Variants in ARHGEF11 observed in about 807,000 individuals in gnomAD.
ARHGEF11 encodes Rho guanine exchange factor (GEF) 11.
ARHGEF11 carries 55 observed loss-of-function variants against 193.7 expected under a neutral mutation model. That is an observed-to-expected ratio of 0.28 (90% CI 0.23 to 0.36). The LOEUF (loss-of-function observed/expected upper bound fraction) is 0.36, where lower values mean the gene tolerates loss of function less well. ARHGEF11 is among the 10% of genes least tolerant of loss of function. The pLI is 1.00. For synonymous variants in ARHGEF11, 693 were observed against 768.0 expected (o/e 0.90, Z 1.62); for missense variants, 1,723 against 2,005.6 (o/e 0.86, Z 2.69).
intron 1 of ARHGEF11, among the ~76,000 whole-genome samples, chr1:157,029,099 C>G (rs933706954): frequency 7.1e-6 from 1 of 140,404 alleles, no homozygotes; most frequent in Non-Finnish European, 1.5e-5. Flanking sequence ...CTGGGGAGGT[C>G]AAGGCAGCAG....
At chr1:156,994,492 G>A (rs1666212534) in intron 1 of ARHGEF11, among the ~76,000 whole-genome samples, 1 of 151,070 alleles carries the variant, frequency 6.6e-6, no homozygotes, top group South Asian at 2.1e-4. Context: ...AATACCCCCA[G>A]GGTGTTCAAA....
At chr1:156,977,166 A>G (rs1663383978) in intron 6 of ARHGEF11, 112 bp from the exon 7 acceptor site, 2 of 920,308 alleles carry the variant, frequency 2.2e-6, no homozygotes, top group Non-Finnish European at 3.5e-6. Context: ...AGCCTGGATC[A>G]TAAGTATGTT....
intron 6 of ARHGEF11, 122 bp downstream of exon 6, chr1:156,978,082 A>G: frequency 2.1e-6 from 3 of 1,418,582 alleles, no homozygotes; most frequent in Non-Finnish European, 2.8e-6. Flanking sequence ...ATGGTCTTTC[A>G]TATGTCTTTT....
intron 6 of ARHGEF11, 139 bp downstream of exon 6, chr1:156,978,065 T>G: frequency 1.5e-6 from 2 of 1,346,520 alleles, no homozygotes; most frequent in Non-Finnish European, 1.0e-6. Flanking sequence ...TTTGTTCAAC[T>G]CTTTCAATGG....
At chr1:156,939,250 T>C (rs1656229481) in intron 37 of ARHGEF11, 1 of 392,376 alleles carries the variant, frequency 2.5e-6, no homozygotes. Context: ...TACTGGTAGT[T>C]GGTTTGTGCC....
intron 1 of ARHGEF11, among the ~76,000 whole-genome samples, chr1:156,988,238 G>A (rs1020054185): frequency 6.6e-6 from 1 of 152,218 alleles, no homozygotes; most frequent in Non-Finnish European, 1.5e-5. Flanking sequence ...CATGAAAGCA[G>A]AGAGGGTCTT....
rs1262837957 is a variant in ARHGEF11 at position 156,939,789 on chromosome 1, A to G, written c.3855T>C (p.Ser1285=). 2.5e-6 allele frequency: 4 copies of G among 1,613,762 alleles called. No individual in the cohort carries two copies. In the African/African-American group the frequency reaches 4.0e-5, roughly 16 times the overall value. ...CTGGGGAGCCTGGGTCCCAGGGGTG[A>G]GAGGTGACGCTGATGACAGAAGGTG... ...TPTPSVISVT[S]HPWDPGSPGQ... is the part of the protein sequence containing the mutation. The change falls in exon 37 of 41, where the codon TCT becomes TCC. Residue 1285 remains serine (S), a synonymous_variant. Coordinates refer to ENST00000368194, the MANE Select transcript of ARHGEF11 (RefSeq NM_198236.3).
chr1:156,953,721 G>A (rs544603470), intron 21 of ARHGEF11, among the ~76,000 whole-genome samples: 2 of 152,244 alleles, frequency 1.3e-5, no homozygotes, highest in East Asian at 1.9e-4. Context: ...CCTAGAAAGT[G>A]TTAATCAGTT....
chr1:157,010,059 T>A (rs1235471777), intron 1 of ARHGEF11, among the ~76,000 whole-genome samples: 1 of 152,130 alleles, frequency 6.6e-6, no homozygotes, highest in Non-Finnish European at 1.5e-5. Flanking sequence ...CTGGGCTGGG[T>A]GTGATGGCTC....
chr1:156,940,305 T>A lies in ARHGEF11; in HGVS notation c.3635A>T (p.Asp1212Val), dbSNP rs1557820402. Residue 1212 changes from aspartate (D) to valine (V), a missense_variant, in exon 36 of 41, where the codon GAT becomes GTT. By Grantham distance (152) the Asp-to-Val change is radical (BLOSUM62 -3). Coordinates refer to ENST00000368194, the MANE Select transcript of ARHGEF11 (RefSeq NM_198236.3). ...GVLPCPSTSL[D>V]GENRGIRTRN... ...TGTCCTGATGCCCCTGTTCTCTCCATCCAGGGATGTGGAAGGGCAAGGCAG... is the reference window on the plus strand; with the variant it reads ...TGTCCTGATGCCCCTGTTCTCTCCAACCAGGGATGTGGAAGGGCAAGGCAG... The A allele has an allele frequency of 6.2e-7, 1 of 1,613,854 alleles. No homozygotes were observed.
At chr1:157,006,539 A>G (rs1054929387) in intron 1 of ARHGEF11, among the ~76,000 whole-genome samples, 1 of 152,140 alleles carries the variant, frequency 6.6e-6, no homozygotes, top group East Asian at 1.9e-4. Flanking sequence ...TGGGCTTAGA[A>G]AAAAAGGGTT....
chr1:156,939,496 C>T, intron 37 of ARHGEF11, 52 bp downstream of exon 37: 1 of 1,600,664 alleles, frequency 6.2e-7, no homozygotes, highest in Non-Finnish European at 8.5e-7. Context: ...GAAGACTTAT[C>T]TCACCTAGCA....
At chr1:156,950,330 A>C (rs533583652) in intron 22 of ARHGEF11, among the ~76,000 whole-genome samples, 2 of 152,294 alleles carry the variant, frequency 1.3e-5, no homozygotes, top group African/African-American at 4.8e-5. Context: ...ATGGTTTGAT[A>C]ATTAGTTATT....
chr1:157,017,824 C>A (rs967684954), intron 1 of ARHGEF11, among the ~76,000 whole-genome samples: 6 of 151,410 alleles, frequency 4.0e-5, no homozygotes, highest in African/African-American at 1.5e-4. Flanking sequence ...AAAGGTCTAC[C>A]AAGAAGTTCT....
chr1:156,946,402 T>C (rs1658125930), intron 28 of ARHGEF11, among the ~76,000 whole-genome samples: 1 of 152,190 alleles, frequency 6.6e-6, no homozygotes, highest in African/African-American at 2.4e-5. Flanking sequence ...TGCCATTCTA[T>C]AGACAAGGAA....
intron 1 of ARHGEF11, among the ~76,000 whole-genome samples, chr1:157,002,763 T>C (rs1045882621): frequency 6.6e-6 from 1 of 152,184 alleles, no homozygotes; most frequent in African/African-American, 2.4e-5. Context: ...TGGGAACTCA[T>C]GATGATAATA....
chr1:157,002,278 T>C (rs1186623190), intron 1 of ARHGEF11, among the ~76,000 whole-genome samples: 1 of 152,044 alleles, frequency 6.6e-6, no homozygotes, highest in Non-Finnish European at 1.5e-5. Flanking sequence ...TGAACCTGGA[T>C]TGGCCAGGAG....
intron 6 of ARHGEF11, 116 bp downstream of exon 6, chr1:156,978,088 C>G: frequency 6.9e-7 from 1 of 1,452,328 alleles, no homozygotes; most frequent in Non-Finnish European, 9.3e-7. Context: ...TTTCATATGT[C>G]TTTTGGCTTG....
rs1339879760 is a variant in ARHGEF11, at chr1:156,949,012, T to G, written c.1926-514A>C. 13 of 985,354 alleles carry G rather than the reference T, an allele frequency of 1.3e-5. No individual in the cohort carries two copies. In the South Asian group the frequency reaches 5.2e-4, roughly 39 times the overall value. The allele number at this position is 985,354 out of a possible 1,614,324, so 61.0% of individuals were successfully genotyped here. A position where few individuals can be genotyped will look rare whatever the true frequency, so the allele number is the denominator to read the frequency against. The stretch of plus-strand genomic sequence containing the variant: ...TTAAGAGGAAAGTGGAGTCACTATA[T>G]TCACAGCTCATTTTAGGATTTTCCA... On this transcript the variant is annotated intron_variant, in intron 22 of 40. Coordinates refer to ENST00000368194, the MANE Select transcript of ARHGEF11 (RefSeq NM_198236.3).
Sources: gnomAD v4.1 joint callset for allele counts (sites outside exome capture counted in the v4.1 genomes callset) on GRCh38, gnomAD v4.1.1 for gene constraint, MANE v1.5 for transcripts, NCBI Gene and HGNC (gene_info 2026-07-23, HGNC 2026-07-21) for gene names.